The following RAB27B variants were observed in gnomAD, a reference collection of about 807,000 sequenced individuals.
RAB27B encodes the protein RAB27B, member RAS oncogene family, also known as ras-related protein Rab-27B.
In RAB27B, 15 loss-of-function variants were observed where a neutral mutation model predicts 24.6. That is an observed-to-expected ratio of 0.61 (90% CI 0.41 to 0.94). The LOEUF is 0.94. RAB27B is among the 40% of genes least tolerant of loss of function. The pLI is 0.00. For synonymous variants in RAB27B, 105 were observed against 92.5 expected, an observed-to-expected ratio of 1.14 and a Z score of -0.78; for missense variants, 261 against 266.8, an observed-to-expected ratio of 0.98 and a Z score of 0.15.
intron 1 of RAB27B, among the ~76,000 whole-genome samples, chr18:54,843,973 A>C (rs1911218763): frequency 6.6e-6 from 1 of 152,234 alleles, no homozygotes; most frequent in African/African-American, 2.4e-5. Context: ...TAAGAACCAC[A>C]GAACTAGAAG....
chr18:54,805,660 G>C (rs186363216), intron 2 of RAB27B, among the ~76,000 whole-genome samples: 3 of 152,308 alleles, frequency 2.0e-5, no homozygotes, highest in Admixed American at 2.0e-4. Flanking sequence ...CAGGAATCAT[G>C]TGTTATTTAT....
intron 1 of RAB27B, among the ~76,000 whole-genome samples, chr18:54,843,258 G>A (rs796755168): frequency 3.9e-5 from 6 of 152,186 alleles, no homozygotes; most frequent in African/African-American, 9.6e-5. Flanking sequence ...AGTTCAAGAA[G>A]GCACTACAAT....
intron 2 of RAB27B, among the ~76,000 whole-genome samples, chr18:54,796,706 C>T (rs1367104637): frequency 2.0e-5 from 3 of 152,164 alleles, no homozygotes; most frequent in African/African-American, 4.8e-5. Flanking sequence ...TTTATATGGA[C>T]ACAGGATATG....
intron 2 of RAB27B, among the ~76,000 whole-genome samples, chr18:54,760,995 CTT>C (rs199850716): frequency 0.048 from 6,989 of 145,728 alleles, 207 homozygotes; most frequent in Admixed American, 0.086. Flanking sequence ...GAGAGGTATT[CTT>C]TTTTTTTTTT....
intron 2 of RAB27B, among the ~76,000 whole-genome samples, chr18:54,777,753 T>A (rs11662256): frequency 0.031 from 4,713 of 152,336 alleles, 88 homozygotes; most frequent in Middle Eastern, 0.095. Flanking sequence ...AAAGTGTATT[T>A]TCTTATTTCC....
intron 2 of RAB27B, among the ~76,000 whole-genome samples, chr18:54,790,014 TC>T (rs1403059035): frequency 6.6e-6 from 1 of 152,108 alleles, no homozygotes; most frequent in Non-Finnish European, 1.5e-5. Flanking sequence ...GTTTCATAGC[TC>T]TTGTTAGTCA....
At chr18:54,723,863 C>T (rs117980916) in intron 2 of RAB27B, among the ~76,000 whole-genome samples, 5 of 152,082 alleles carry the variant, frequency 3.3e-5, no homozygotes, top group South Asian at 2.1e-4. Flanking sequence ...AGTGTCACTA[C>T]GAATTAATCT....
intron 1 of RAB27B, among the ~76,000 whole-genome samples, chr18:54,830,233 T>C (rs762401873): frequency 2.2e-4 from 34 of 152,314 alleles, no homozygotes; most frequent in Admixed American, 5.9e-4. Flanking sequence ...ACACTACAAC[T>C]GTATGTTGGT....
chr18:54,739,812 A>T (rs1285591445), intron 2 of RAB27B, among the ~76,000 whole-genome samples: 1 of 152,128 alleles, frequency 6.6e-6, no homozygotes, highest in Non-Finnish European at 1.5e-5. Context: ...TAACCCTTCT[A>T]GTGGGTATGT....
At position 54,718,565 on chromosome 18, in the gene RAB27B, G is replaced by A. The variant is rs186348014; in HGVS notation, c.-20+424G>A. ...ATGTAGACTGCCAGAAAGCTATTAA[G>A]TCATTTGGTGCCCCACAGTGTAAAG... is the stretch of plus-strand genomic sequence containing the variant. On this transcript the variant is annotated intron_variant, in intron 2 of 4. Coordinates refer to the RAB27B transcript ENST00000586570. Among the ~76,000 whole-genome samples, 14 of 152,230 alleles carry A rather than the reference G, an allele frequency of 9.2e-5. No homozygotes were observed. In the East Asian group the frequency reaches 2.5e-3, roughly 27 times the overall value.
chr18:54,786,637 TTTAAA>T (rs1909095781), intron 2 of RAB27B, among the ~76,000 whole-genome samples: 1 of 152,256 alleles, frequency 6.6e-6, no homozygotes, highest in Non-Finnish European at 1.5e-5. Context: ...CTATAAGTTC[TTTAAA>T]TTATTCTGTA....
At chr18:54,733,330 G>A (rs373385396) in intron 2 of RAB27B, among the ~76,000 whole-genome samples, 1 of 152,258 alleles carries the variant, frequency 6.6e-6, no homozygotes. Flanking sequence ...TTACAGGCAT[G>A]AGCCACCATA....
intron 2 of RAB27B, among the ~76,000 whole-genome samples, chr18:54,798,497 G>A (rs1326830081): frequency 6.6e-6 from 1 of 152,212 alleles, no homozygotes; most frequent in East Asian, 1.9e-4. Flanking sequence ...ACTCCATCCT[G>A]GGGCTACCCC....
At chr18:54,832,245 A>C (rs1363613247) in intron 1 of RAB27B, among the ~76,000 whole-genome samples, 2 of 152,164 alleles carry the variant, frequency 1.3e-5, no homozygotes. Flanking sequence ...TTCAGGAAAC[A>C]CTTGAAGGCA....
At chr18:54,853,841 T>A (rs893177895) in intron 1 of RAB27B, among the ~76,000 whole-genome samples, 1 of 152,186 alleles carries the variant, frequency 6.6e-6, no homozygotes, top group Admixed American at 6.5e-5. Flanking sequence ...TCACATCTAA[T>A]GTTTTTTCAC....
At chr18:54,882,953 C>T (rs1472371896) in intron 3 of RAB27B, among the ~76,000 whole-genome samples, 1 of 152,058 alleles carries the variant, frequency 6.6e-6, no homozygotes, top group Admixed American at 6.6e-5. Context: ...AATCAGAAAG[C>T]TGTTGAAGTT....
intron 2 of RAB27B, among the ~76,000 whole-genome samples, chr18:54,776,595 T>C (rs1908721992): frequency 6.6e-6 from 1 of 152,224 alleles, no homozygotes; most frequent in African/African-American, 2.4e-5. Flanking sequence ...GCTGCCATGA[T>C]ACCCTGTGCA....
intron 1 of RAB27B, among the ~76,000 whole-genome samples, chr18:54,856,567 G>C (rs1201168636): frequency 6.6e-6 from 1 of 152,228 alleles, no homozygotes; most frequent in African/African-American, 2.4e-5. Flanking sequence ...GCTCTTATTA[G>C]TTGCAGTGAC....
chr18:54,852,829 C>T (rs1034278103), intron 1 of RAB27B, among the ~76,000 whole-genome samples: 2 of 152,156 alleles, frequency 1.3e-5, no homozygotes, highest in Admixed American at 6.5e-5. Flanking sequence ...TGACTTAAAA[C>T]ACTAAGGGTG....
Sources: allele counts gnomAD v4.1 joint callset (sites outside exome capture counted in the v4.1 genomes callset), GRCh38; gene constraint gnomAD v4.1.1; transcripts MANE v1.5; gene names NCBI Gene and HGNC (gene_info 2026-07-23, HGNC 2026-07-21).